The following MYO16 variants were observed in gnomAD, a reference collection of about 807,000 sequenced individuals.
MYO16 encodes myosin XVI.
In MYO16, 94 loss-of-function variants were observed where a neutral mutation model predicts 205.3. The observed-to-expected ratio is 0.46, with a 90% CI of 0.39 to 0.54. MYO16 has a LOEUF of 0.54. Among genes scored for constraint, MYO16 ranks in the 20% least tolerant of loss-of-function variants. The pLI is 0.00. For synonymous variants in MYO16, 988 were observed against 954.0 expected, an observed-to-expected ratio of 1.04 and a Z score of -0.66; for missense variants, 2,315 against 2,387.5, an observed-to-expected ratio of 0.97 and a Z score of 0.63.
At chr13:108,910,873 G>T (rs9521096) in intron 16 of MYO16, among the ~76,000 whole-genome samples, 1 of 151,820 alleles carries the variant, frequency 6.6e-6, no homozygotes, top group Non-Finnish European at 1.5e-5. Flanking sequence ...GGTGGGGGGC[G>T]GTGGTGGGAA....
At chr13:109,194,181 G>A (rs1344524174) in intron 34 of MYO16, among the ~76,000 whole-genome samples, 1 of 152,112 alleles carries the variant, frequency 6.6e-6, no homozygotes, top group Admixed American at 6.6e-5. Flanking sequence ...CGATGGAGGT[G>A]GTCAGATTGT....
intron 3 of MYO16, among the ~76,000 whole-genome samples, chr13:108,718,653 A>G (rs1388161117): frequency 6.6e-6 from 1 of 152,026 alleles, no homozygotes; most frequent in African/African-American, 2.4e-5. Context: ...CAAACAGGCA[A>G]TGGAGGGGCC....
At chr13:109,022,786 CTATG>C (rs1170073338) in intron 23 of MYO16, among the ~76,000 whole-genome samples, 32 of 133,652 alleles carry the variant, frequency 2.4e-4, no homozygotes, top group African/African-American at 8.0e-4. Flanking sequence ...TATATATACA[CTATG>C]TAAACATATG....
chr13:109,029,123 T>TTC (rs1216077597), intron 23 of MYO16, among the ~76,000 whole-genome samples: 4 of 145,944 alleles, frequency 2.7e-5, no homozygotes, highest in Non-Finnish European at 6.0e-5. Context: ...TTTTTTTTTT[T>TTC]TTTTTTTTGA....
At chr13:109,092,117 A>T in intron 27 of MYO16, among the ~76,000 whole-genome samples, 1 of 152,362 alleles carries the variant, frequency 6.6e-6, no homozygotes, top group South Asian at 2.1e-4. Context: ...CTGAAACAAC[A>T]TAAGTTTTAC....
chr13:108,910,327 G>T (rs1881196977), intron 16 of MYO16, among the ~76,000 whole-genome samples, 177 bp downstream of exon 16: 1 of 152,148 alleles, frequency 6.6e-6, no homozygotes, highest in African/African-American at 2.4e-5. Flanking sequence ...TCTTGAATGG[G>T]TGAAGTTGTA....
intron 7 of MYO16, among the ~76,000 whole-genome samples, chr13:108,808,716 TA>T (rs113539375): frequency 9.2e-5 from 14 of 151,520 alleles, no homozygotes; most frequent in South Asian, 6.2e-4. Flanking sequence ...TGTTATGTGG[TA>T]AAAAAAAATC....
chr13:108,812,475 C>T lies in MYO16; in HGVS notation c.867+5671C>T, dbSNP rs1426019587. Among the ~76,000 whole-genome samples, 3 of 150,998 alleles carry T rather than the reference C, an allele frequency of 2.0e-5. No homozygotes were observed. The East Asian group carries it at 6.1e-4, about 31-fold the overall frequency. The stretch of plus-strand genomic sequence containing the variant: ...TGTGAGCAGTAGGTGAGTGCGCACG[C>T]CCCTTGAGACTGGTTCTTGCAGGAA... On this transcript the variant is annotated intron_variant, in intron 7 of 34. Coordinates refer to ENST00000457511, the MANE Select transcript of MYO16 (RefSeq NM_001198950.3).
At chr13:109,157,410 A>G (rs1878121494) in intron 32 of MYO16, among the ~76,000 whole-genome samples, 1 of 152,018 alleles carries the variant, frequency 6.6e-6, no homozygotes, top group Admixed American at 6.6e-5. Context: ...TCACGAGTGC[A>G]GTCAGCTCTG....
chr13:109,160,615 G>A (rs570038580), intron 32 of MYO16, among the ~76,000 whole-genome samples: 1 of 152,272 alleles, frequency 6.6e-6, no homozygotes, highest in East Asian at 1.9e-4. Flanking sequence ...AAATGTCTCA[G>A]ACACACCTTT....
chr13:108,558,554 G>A, the MYO16 span, among the ~76,000 whole-genome samples: 1 of 152,186 alleles, frequency 6.6e-6, no homozygotes. Context: ...CTCCCTGAGG[G>A]AAGTGAGGAG....
chr13:108,642,113 T>G (rs1880529815), intron 1 of MYO16, among the ~76,000 whole-genome samples: 1 of 152,182 alleles, frequency 6.6e-6, no homozygotes, highest in African/African-American at 2.4e-5. Context: ...CCAATTCATT[T>G]CCTAGGTAGC....
chr13:108,591,180 C>A (rs1405678243), upstream of MYO16, among the ~76,000 whole-genome samples: 2 of 152,122 alleles, frequency 1.3e-5, no homozygotes, highest in African/African-American at 4.8e-5. Flanking sequence ...CGAAAAAGAT[C>A]ACCAGGAGAG....
the MYO16 span, among the ~76,000 whole-genome samples, chr13:108,535,509 A>G: frequency 6.6e-6 from 1 of 152,204 alleles, no homozygotes; most frequent in African/African-American, 2.4e-5. Flanking sequence ...CACTATTAAC[A>G]CTATTAAACA....
rs770087472 is a variant in MYO16, at chr13:108,964,773, T to C, written c.2240T>C (p.Ile747Thr). ...TCTACCATTTTAGGGGATATGATAA[T>C]ACGACGACATACCATACAGATTGCT... The part of the protein sequence containing the change: ...DIQYFKGDMI[I>T]RRHTIQIAEF... Residue 747 changes from isoleucine to threonine, a missense_variant, in exon 20 of 35, where the codon ATA becomes ACA. Coordinates refer to ENST00000457511, the MANE Select transcript of MYO16 (RefSeq NM_001198950.3). 1.9e-6 allele frequency: 3 copies of C among 1,614,100 alleles called. No individual in the cohort carries two copies. Among genetic ancestry groups the C allele is most frequent in the Non-Finnish European group, 2.5e-6 (3 of 1,179,976 alleles).
intron 32 of MYO16, among the ~76,000 whole-genome samples, chr13:109,158,415 T>G (rs1367761580): frequency 6.6e-6 from 1 of 152,228 alleles, no homozygotes; most frequent in Non-Finnish European, 1.5e-5. Flanking sequence ...ATCCTTCCTG[T>G]GTCTCCTCTC....
the MYO16 span, among the ~76,000 whole-genome samples, chr13:108,515,889 C>T: frequency 4.4e-5 from 3 of 67,646 alleles, no homozygotes; most frequent in African/African-American, 1.2e-4. Context: ...AGCTGTCAGA[C>T]AGGGACACTT....
At chr13:109,161,355 CTG>C (rs1491235875) in intron 32 of MYO16, among the ~76,000 whole-genome samples, 2 of 152,072 alleles carry the variant, frequency 1.3e-5, no homozygotes, top group East Asian at 3.9e-4. Flanking sequence ...AAAAGAATGA[CTG>C]TGTGGGGACT....
chr13:108,588,825 C>T, the MYO16 span, among the ~76,000 whole-genome samples: 1 of 151,950 alleles, frequency 6.6e-6, no homozygotes, highest in African/African-American at 2.4e-5. Flanking sequence ...AACAGAGACC[C>T]CTGCCTAACC....
Sources: allele counts gnomAD v4.1 joint callset (sites outside exome capture counted in the v4.1 genomes callset), GRCh38; gene constraint gnomAD v4.1.1; transcripts MANE v1.5; gene names NCBI Gene and HGNC (gene_info 2026-07-23, HGNC 2026-07-21).